MCU: variants seen among roughly 807,000 people sequenced by gnomAD.
MCU encodes calcium uniporter protein, mitochondrial.
A neutral mutation model predicts 45.2 loss-of-function variants in MCU; 12 were observed. That is an observed-to-expected ratio of 0.27 (90% CI 0.17 to 0.43). MCU has a LOEUF of 0.43. Ranked by LOEUF, MCU falls within the 20% of genes least tolerant of loss-of-function variation. The pLI, the probability that MCU is intolerant of heterozygous loss-of-function variation, is 1.00. For missense variants in MCU, 324 were observed against 436.7 expected (o/e 0.74, Z 2.30); for synonymous variants, 160 against 165.1 (o/e 0.97, Z 0.24).
Position 72,802,268 on chromosome 10 carries a change from C to G in MCU, c.151-32091C>G, listed in dbSNP as rs975444157. On this transcript the variant is annotated intron_variant, in intron 1 of 7. Coordinates refer to ENST00000373053, the MANE Select transcript of MCU (RefSeq NM_138357.3). The stretch of plus-strand genomic sequence containing the variant: ...TCTATCATTGCTTCAGTAGCTTTAG[C>G]ATTTTCGGTGAGTCTTTTGATTCAG... 4.6e-5 allele frequency among the ~76,000 whole-genome samples: 7 copies of G among 152,130 alleles called. No homozygotes were observed. The East Asian group carries it at 1.2e-3, about 25-fold the overall frequency.
chr10:72,849,328 T>C (rs1845172454), intron 2 of MCU, among the ~76,000 whole-genome samples: 1 of 149,974 alleles, frequency 6.7e-6, no homozygotes, highest in South Asian at 2.1e-4. Context: ...TGATAAGATA[T>C]GAGGAATGTC....
rs1372509583 is a variant in MCU, at chr10:72,885,747, A to G, written c.981A>G (p.Ala327=). 6 of 1,611,092 alleles carry G rather than the reference A, an allele frequency of 3.7e-6. No individual in the cohort carries two copies. Among genetic ancestry groups the G allele is most frequent in the East Asian group, 4.5e-5 (2 of 44,854 alleles). Residue 327 remains alanine, a splice_region_variant and synonymous_variant, in exon 8 of 8, where the codon GCA becomes GCG. Transcript: ENST00000373053. The part of the protein sequence containing the change: ...YNQLKDAIAQ[A]EMDLKRLRDP... The stretch of plus-strand genomic sequence containing the variant: ...CTCACCTTTTGTTTCTATTTTAGGC[A>G]GAAATGGACCTTAAGAGACTGAGAG...
intron 1 of MCU, chr10:72,715,254 G>T: frequency 1.2e-6 from 1 of 813,442 alleles, no homozygotes; most frequent in Non-Finnish European, 1.5e-6. Flanking sequence ...TATTTGGCAT[G>T]GTTTTTGCTT....
intron 1 of MCU, among the ~76,000 whole-genome samples, chr10:72,738,587 A>AAT (rs1184581421): frequency 6.6e-6 from 1 of 152,210 alleles, no homozygotes; most frequent in African/African-American, 2.4e-5. Flanking sequence ...AAGGTTTATA[A>AAT]ATAACAAAGC....
chr10:72,704,347 G>T (rs1183102172), intron 1 of MCU, among the ~76,000 whole-genome samples: 1 of 152,028 alleles, frequency 6.6e-6, no homozygotes, highest in East Asian at 1.9e-4. Context: ...TTCAATTCAC[G>T]GTCTGTTTGA....
At chr10:72,834,041 A>C (rs1844918033) in intron 1 of MCU, among the ~76,000 whole-genome samples, 1 of 152,204 alleles carries the variant, frequency 6.6e-6, no homozygotes, top group Admixed American at 6.5e-5. Flanking sequence ...ACCTAGAATC[A>C]ATATTAAATG....
At chr10:72,848,775 G>A (rs113943751) in intron 2 of MCU, among the ~76,000 whole-genome samples, 5 of 152,130 alleles carry the variant, frequency 3.3e-5, no homozygotes, top group African/African-American at 1.2e-4. Flanking sequence ...TGTATAAATG[G>A]ATGGAAATGG....
intron 1 of MCU, among the ~76,000 whole-genome samples, chr10:72,778,179 T>C (rs1398705425): frequency 6.6e-6 from 1 of 152,166 alleles, no homozygotes; most frequent in Non-Finnish European, 1.5e-5. Context: ...ACTGGGTATA[T>C]AGCCAAAAGA....
intron 1 of MCU, among the ~76,000 whole-genome samples, chr10:72,746,579 G>A (rs1463270702): frequency 6.6e-6 from 1 of 152,124 alleles, no homozygotes; most frequent in Non-Finnish European, 1.5e-5. Context: ...TGGTTCTAGG[G>A]TATGTAATAA....
rs557056550 is a variant in MCU at position 72,860,952 on chromosome 10, T to C, written c.496+425T>C. Reference sequence around the variant, plus strand: ...TTTTTTTATGGCTCAAGGTCAGCAATCTGAAAGTCAGTTATTGTACAATAA... The same window carrying C: ...TTTTTTTATGGCTCAAGGTCAGCAACCTGAAAGTCAGTTATTGTACAATAA... On this transcript the variant is annotated intron_variant, in intron 4 of 7. Coordinates refer to ENST00000373053, the MANE Select transcript of MCU (RefSeq NM_138357.3). Among the ~76,000 whole-genome samples, 13 of 152,258 alleles carry C rather than the reference T, an allele frequency of 8.5e-5. No homozygotes were observed. In the South Asian group the frequency reaches 2.7e-3, roughly 32 times the overall value.
At chr10:72,799,013 G>A (rs530290184) in intron 1 of MCU, among the ~76,000 whole-genome samples, 6 of 151,966 alleles carry the variant, frequency 3.9e-5, no homozygotes, top group African/African-American at 9.6e-5. Context: ...ACCTGATCTC[G>A]GCTCCCAGGT....
rs140580814 is a variant in MCU, at chr10:72,786,784, T to A, written c.151-47575T>A. Among the ~76,000 whole-genome samples the A allele has an allele frequency of 5.3e-5, 8 of 152,184 alleles. No individual in the cohort carries two copies. In the East Asian group the frequency reaches 1.5e-3, roughly 29 times the overall value. On this transcript the variant is annotated intron_variant, in intron 1 of 7. Coordinates refer to ENST00000373053, the MANE Select transcript of MCU (RefSeq NM_138357.3). ...AAGTAAAAATAAATAAATAAAGTAT[T>A]TTGAAGCACAAAAGCACTGCTTTTT...
At chr10:72,784,625 T>TACACAGTAA (rs1377443378) in intron 1 of MCU, among the ~76,000 whole-genome samples, 10 of 152,160 alleles carry the variant, frequency 6.6e-5, no homozygotes, top group African/African-American at 2.4e-4. Context: ...TCCAGTAGCT[T>TACACAGTAA]CTGAAAATGT....
At position 72,820,925 on chromosome 10, in the gene MCU, T is replaced by A. The variant is rs191647435; in HGVS notation, c.151-13434T>A. On this transcript the variant is annotated intron_variant, in intron 1 of 7. Transcript: ENST00000373053. ...GTTTCTGTTGTTGGTTTTTTTTTTT[T>A]CCCCAAGTGGTGACATGGTACTAGA... 2.0e-5 allele frequency among the ~76,000 whole-genome samples: 3 copies of A among 152,044 alleles called. No homozygotes were observed. In the East Asian group the frequency reaches 5.8e-4, roughly 29 times the overall value.
intron 1 of MCU, among the ~76,000 whole-genome samples, chr10:72,695,354 C>G (rs1842672676): frequency 6.6e-6 from 1 of 152,216 alleles, no homozygotes; most frequent in African/African-American, 2.4e-5. Context: ...ACAGGTTACA[C>G]TGCCTGACAC....
At chr10:72,811,076 A>G (rs1844536577) in intron 1 of MCU, among the ~76,000 whole-genome samples, 2 of 152,228 alleles carry the variant, frequency 1.3e-5, no homozygotes, top group African/African-American at 4.8e-5. Flanking sequence ...TATTCAGTGT[A>G]TACTTTATTA....
chr10:72,834,702 G>A (rs993642882), intron 2 of MCU, among the ~76,000 whole-genome samples: 3 of 152,056 alleles, frequency 2.0e-5, no homozygotes, highest in African/African-American at 7.2e-5. Context: ...TTGGTCTGTC[G>A]CCCAGGTGGA....
At chr10:72,835,424 A>G (rs996986214) in intron 2 of MCU, among the ~76,000 whole-genome samples, 7 of 152,206 alleles carry the variant, frequency 4.6e-5, no homozygotes, top group African/African-American at 9.7e-5. Context: ...TCTGATTTCA[A>G]CCTTAGAAAC....
intron 4 of MCU, among the ~76,000 whole-genome samples, chr10:72,868,299 A>G (rs571830425): frequency 5.7e-4 from 87 of 152,338 alleles, no homozygotes; most frequent in Non-Finnish European, 1.1e-3. Flanking sequence ...CTATAATACC[A>G]GCACTTTGGG....
Sources: gnomAD v4.1 joint callset for allele counts (sites outside exome capture counted in the v4.1 genomes callset) on GRCh38, gnomAD v4.1.1 for gene constraint, MANE v1.5 for transcripts, NCBI Gene and HGNC (gene_info 2026-07-23, HGNC 2026-07-21) for gene names.